GABRR3: variants seen among roughly 807,000 people sequenced by gnomAD.
GABRR3 encodes gamma-aminobutyric acid receptor subunit rho-3.
Under a neutral mutation model 43.2 loss-of-function variants are expected in GABRR3, and 29 were observed. The ratio of observed to expected loss-of-function variants is 0.67; its 90% CI spans 0.50 to 0.92. The LOEUF (loss-of-function observed/expected upper bound fraction) is 0.92. GABRR3 is among the 40% of genes least tolerant of loss of function. GABRR3 has a pLI of 0.00. For synonymous variants in GABRR3, 206 were observed against 195.9 expected, an observed-to-expected ratio of 1.05 and a Z score of -0.43; for missense variants, 576 against 572.3, an observed-to-expected ratio of 1.01 and a Z score of -0.07.
Position 98,035,190 on chromosome 3 carries a change from C to G in GABRR3, c.-3G>C, listed in dbSNP as rs542091456. ...ACAGCACTTACAGGCAAATATCTAC[C>G]TGGATCTTCAGCAATTTGAGGAAAA... On this transcript the variant is annotated splice_region_variant and 5_prime_UTR_variant, in exon 1 of 10. Transcript: ENST00000621172. 4.8e-4 allele frequency: 272 copies of G among 568,560 alleles called. 4 individuals are homozygous for G. In the South Asian group the frequency reaches 7.7e-3, roughly 16 times the overall value. 35.2% of individuals were successfully genotyped at this position (568,560 alleles called of 1,614,324 possible).
intron 2 of GABRR3, among the ~76,000 whole-genome samples, chr3:98,034,507 C>T (rs1019901122): frequency 1.4e-4 from 21 of 152,098 alleles, no homozygotes; most frequent in Non-Finnish European, 4.4e-5. Context: ...AGACTAATTT[C>T]TACTCAAAAT....
chr3:98,019,721 G>A (rs1267153452), intron 3 of GABRR3, among the ~76,000 whole-genome samples: 1 of 152,088 alleles, frequency 6.6e-6, no homozygotes, highest in Non-Finnish European at 1.5e-5. Flanking sequence ...GAGTAGCTGG[G>A]ATTAGAGGCA....
intron 3 of GABRR3, 135 bp downstream of exon 3, chr3:98,025,432 A>T (rs1336512902): frequency 1.7e-6 from 1 of 578,630 alleles, no homozygotes; most frequent in African/African-American, 1.9e-5. Flanking sequence ...ATTAAAGAGA[A>T]GGTGATTGTA....
chr3:98,008,300 A>G (rs1334111506), intron 6 of GABRR3, among the ~76,000 whole-genome samples: 1 of 152,210 alleles, frequency 6.6e-6, no homozygotes, highest in Non-Finnish European at 1.5e-5. Context: ...CCTTGGATGA[A>G]ATTCCAAAAT....
At chr3:97,991,299 A>G (rs1476169188) in intron 9 of GABRR3, among the ~76,000 whole-genome samples, 23 of 152,228 alleles carry the variant, frequency 1.5e-4, no homozygotes, top group Admixed American at 1.5e-3. Flanking sequence ...CAGTATGGGT[A>G]ATAGATCAAC....
intron 4 of GABRR3, among the ~76,000 whole-genome samples, chr3:98,015,497 A>C (rs1469275742): frequency 6.6e-6 from 1 of 152,230 alleles, no homozygotes; most frequent in Non-Finnish European, 1.5e-5. Context: ...CTCTTGGCCC[A>C]AACATTAAAT....
intron 9 of GABRR3, among the ~76,000 whole-genome samples, chr3:97,991,762 G>A (rs1033101776): frequency 2.6e-5 from 4 of 152,016 alleles, no homozygotes; most frequent in African/African-American, 9.7e-5. Flanking sequence ...GTGAGAAGAG[G>A]ATATAAAAAC....
intron 2 of GABRR3, among the ~76,000 whole-genome samples, chr3:98,032,148 A>C (rs1707094357): frequency 6.6e-6 from 1 of 151,734 alleles, no homozygotes; most frequent in African/African-American, 2.4e-5. Context: ...GTATTTCTAC[A>C]ATACAGTTAC....
chr3:98,019,602 T>C (rs183062746), intron 3 of GABRR3, among the ~76,000 whole-genome samples: 27 of 152,318 alleles, frequency 1.8e-4, no homozygotes, highest in Non-Finnish European at 3.2e-4. Flanking sequence ...ACTTTTTTTT[T>C]TGAGACAGAG....
rs961324835 is a variant in GABRR3, at chr3:98,001,863, G to T, written c.755-96C>A. ...CTGCTTCTTTAGACTCCAAGCTCTTGGGGACACGGAATTTGACAAACTCAT... is the reference window on the plus strand; with the variant it reads ...CTGCTTCTTTAGACTCCAAGCTCTTTGGGACACGGAATTTGACAAACTCAT... On this transcript the variant is annotated intron_variant, in intron 7 of 9. Transcript: ENST00000621172. 1.3e-5 allele frequency: 18 copies of T among 1,345,510 alleles called. No individual in the cohort carries two copies. In the Admixed American group the frequency reaches 3.6e-4, roughly 27 times the overall value. 83.3% of individuals were successfully genotyped at this position (1,345,510 alleles called of 1,614,324 possible).
intron 8 of GABRR3, among the ~76,000 whole-genome samples, chr3:97,996,214 T>C (rs996399083): frequency 4.6e-5 from 7 of 152,072 alleles, no homozygotes; most frequent in African/African-American, 1.2e-4. Context: ...GGAGGGGGTG[T>C]TTATATTCAC....
intron 4 of GABRR3, among the ~76,000 whole-genome samples, chr3:98,016,817 A>G (rs570740743): frequency 1.3e-5 from 2 of 152,348 alleles, no homozygotes; most frequent in South Asian, 4.1e-4. Context: ...AAAATCACTT[A>G]AATGAAAAAT....
intron 2 of GABRR3, among the ~76,000 whole-genome samples, chr3:98,029,714 T>C (rs1268246630): frequency 6.6e-6 from 1 of 152,130 alleles, no homozygotes; most frequent in African/African-American, 2.4e-5. Flanking sequence ...TTTAAAAGTA[T>C]TTAATTGAGG....
chr3:98,014,475 G>T (rs1439978210), intron 4 of GABRR3, among the ~76,000 whole-genome samples: 2 of 152,228 alleles, frequency 1.3e-5, no homozygotes, highest in Non-Finnish European at 2.9e-5. Context: ...TAAAAGAGCT[G>T]CCTTTGGGTA....
intron 2 of GABRR3, 117 bp downstream of exon 2, chr3:98,034,746 C>A (rs921094843): frequency 8.1e-6 from 10 of 1,238,368 alleles, no homozygotes; most frequent in Non-Finnish European, 1.1e-5. Flanking sequence ...TAGAGACAGA[C>A]ATGGTTACAA....
At chr3:98,024,211 T>C (rs1224726443) in intron 3 of GABRR3, among the ~76,000 whole-genome samples, 2 of 151,732 alleles carry the variant, frequency 1.3e-5, no homozygotes, top group Non-Finnish European at 1.5e-5. Context: ...ATGCAACAAT[T>C]AGCTTGGCCT....
At chr3:98,015,326 G>T (rs1257150427) in intron 4 of GABRR3, among the ~76,000 whole-genome samples, 4 of 152,134 alleles carry the variant, frequency 2.6e-5, no homozygotes, top group African/African-American at 9.7e-5. Context: ...CTGAGTAGCT[G>T]GGACTACAGG....
At chr3:98,010,026 C>T (rs1332311929) in intron 5 of GABRR3, among the ~76,000 whole-genome samples, 1 of 152,168 alleles carries the variant, frequency 6.6e-6, no homozygotes, top group Non-Finnish European at 1.5e-5. Context: ...GGGGATCTGG[C>T]TCTGGGCTTG....
intron 8 of GABRR3, among the ~76,000 whole-genome samples, chr3:97,996,427 C>T (rs1254096579): frequency 6.6e-6 from 1 of 152,076 alleles, no homozygotes. Context: ...TGCTCTTATC[C>T]AGTTGCCTAA....
Sources: allele counts gnomAD v4.1 joint callset (sites outside exome capture counted in the v4.1 genomes callset), GRCh38; gene constraint gnomAD v4.1.1; transcripts MANE v1.5; gene names NCBI Gene and HGNC (gene_info 2026-07-23, HGNC 2026-07-21).